The following ZBTB20 variants were observed in gnomAD, a reference collection of about 807,000 sequenced individuals.
ZBTB20 encodes zinc finger and BTB domain-containing protein 20.
ZBTB20 carries 9 observed loss-of-function variants against 56.9 expected under a neutral mutation model. The ratio of observed to expected loss-of-function variants is 0.16; its 90% CI spans 0.10 to 0.28. ZBTB20 has a LOEUF of 0.28. Among genes scored for constraint, ZBTB20 ranks in the 10% least tolerant of loss-of-function variants. ZBTB20 has a pLI of 1.00. For missense variants in ZBTB20, 655 were observed against 1,003.0 expected (o/e 0.65, Z 4.69); for synonymous variants, 417 against 420.7 (o/e 0.99, Z 0.11).
intron 3 of ZBTB20, among the ~76,000 whole-genome samples, chr3:114,962,935 C>A (rs927752805): frequency 2.6e-5 from 4 of 152,016 alleles, no homozygotes; most frequent in African/African-American, 9.7e-5. Context: ...GAAACAGGTT[C>A]TGTCAGTCAG....
intron 6 of ZBTB20, among the ~76,000 whole-genome samples, chr3:114,610,292 C>T (rs995816259): frequency 6.6e-6 from 1 of 152,220 alleles, no homozygotes; most frequent in Non-Finnish European, 1.5e-5. Flanking sequence ...ATAACAAATG[C>T]ACCCACTAAT....
At chr3:114,919,191 G>A (rs1279918465) in intron 3 of ZBTB20, among the ~76,000 whole-genome samples, 1 of 152,128 alleles carries the variant, frequency 6.6e-6, no homozygotes, top group Non-Finnish European at 1.5e-5. Context: ...TCAATAAAGT[G>A]GGGGCCTGGG....
At chr3:114,921,426 G>T (rs2075954748) in intron 3 of ZBTB20, among the ~76,000 whole-genome samples, 1 of 151,838 alleles carries the variant, frequency 6.6e-6, no homozygotes, top group Admixed American at 6.6e-5. Flanking sequence ...CCTGGCAAAA[G>T]AACTAGATGT....
At position 114,463,989 on chromosome 3, in the gene ZBTB20, C is replaced by T. The variant is rs890409195; in HGVS notation, c.-255+36363G>A. Among the ~76,000 whole-genome samples, 10 of 152,220 alleles carry T rather than the reference C, an allele frequency of 6.6e-5. No individual in the cohort carries two copies. The South Asian group carries it at 1.2e-3, about 19-fold the overall frequency. On this transcript the variant is annotated intron_variant, in intron 7 of 11. Transcript: ENST00000675478. Reference sequence around the variant, plus strand: ...GAATATCTCTGAATATATTGAACTGCTATTTGAATCTTTAATTGTGCATAC... The same window carrying T: ...GAATATCTCTGAATATATTGAACTGTTATTTGAATCTTTAATTGTGCATAC...
intron 4 of ZBTB20, among the ~76,000 whole-genome samples, chr3:114,859,300 TTTCC>T (rs1423791230): frequency 2.0e-5 from 3 of 146,528 alleles, no homozygotes; most frequent in South Asian, 2.2e-4. Flanking sequence ...TCCTTCCTTC[TTTCC>T]TTCCTTCCTT....
At chr3:114,532,462 C>A (rs1248771708) in intron 6 of ZBTB20, among the ~76,000 whole-genome samples, 1 of 152,224 alleles carries the variant, frequency 6.6e-6, no homozygotes, top group African/African-American at 2.4e-5. Context: ...AGCAGGGCAT[C>A]TCTGAAAGAA....
At chr3:114,857,455 T>C (rs1393594128) in intron 4 of ZBTB20, among the ~76,000 whole-genome samples, 1 of 152,214 alleles carries the variant, frequency 6.6e-6, no homozygotes, top group East Asian at 1.9e-4. Context: ...TCAGGTGAAC[T>C]GTAGGGAAGT....
Position 115,088,929 on chromosome 3 carries a change from G to A in ZBTB20, c.-702-17515C>T, listed in dbSNP as rs541293214. On this transcript the variant is annotated intron_variant, in intron 1 of 11. Transcript: ENST00000675478. ...TTCAAATAATCTGTCCCATCCAAGA[G>A]TTTTAACTCTCAAATATAAATATAA... Among the ~76,000 whole-genome samples, 39 of 151,562 alleles carry A rather than the reference G, an allele frequency of 2.6e-4. 1 individual carries two copies. Among genetic ancestry groups the A allele is most frequent in the Non-Finnish European group, 5.5e-4 (37 of 67,834 alleles).
chr3:114,331,203 T>C lies in ZBTB20; in HGVS notation c.*7802A>G, dbSNP rs188744983. 56 of 152,200 alleles carry C rather than the reference T, an allele frequency of 3.7e-4. No homozygotes were observed. The highest frequency in any genetic ancestry group is 1.2e-3 in the African/African-American group (49 of 41,422). 9.4% of individuals were successfully genotyped at this position (152,200 alleles called of 1,614,324 possible). ...GCTATGGGATGGCTCAGGCCAAAGT[T>C]TGTGTGGGCTTTGCCTGCCTGGCAT... On this transcript the variant is annotated 3_prime_UTR_variant, in exon 12 of 12. Transcript: ENST00000675478.
intron 3 of ZBTB20, among the ~76,000 whole-genome samples, chr3:114,949,789 A>G (rs2107901951): frequency 6.6e-6 from 1 of 152,184 alleles, no homozygotes; most frequent in South Asian, 2.1e-4. Context: ...AAAGACAATT[A>G]TAAGAGAGTA....
intron 4 of ZBTB20, among the ~76,000 whole-genome samples, chr3:114,853,886 T>A (rs956057368): frequency 1.3e-5 from 2 of 152,220 alleles, no homozygotes; most frequent in Non-Finnish European, 2.9e-5. Context: ...CTGCAATGCT[T>A]CATTGTTTTC....
intron 5 of ZBTB20, among the ~76,000 whole-genome samples, chr3:114,776,304 T>C (rs2069604613): frequency 6.6e-6 from 1 of 152,106 alleles, no homozygotes; most frequent in African/African-American, 2.4e-5. Flanking sequence ...ATTAAGAATT[T>C]TGACATATGG....
intron 5 of ZBTB20, among the ~76,000 whole-genome samples, chr3:114,788,625 G>A (rs1295852709): frequency 2.0e-5 from 3 of 152,046 alleles, no homozygotes; most frequent in African/African-American, 7.3e-5. Flanking sequence ...ATTATTGTCA[G>A]CCACCAGTTT....
chr3:115,145,118 C>T (rs1434705570), intron 1 of ZBTB20, among the ~76,000 whole-genome samples: 1 of 152,116 alleles, frequency 6.6e-6, no homozygotes, highest in Non-Finnish European at 1.5e-5. Context: ...AGCAATTCCT[C>T]AAGGGCAATT....
At chr3:114,655,407 C>T (rs1265957592) in intron 6 of ZBTB20, among the ~76,000 whole-genome samples, 2 of 150,944 alleles carry the variant, frequency 1.3e-5, no homozygotes, top group Admixed American at 6.6e-5. Flanking sequence ...CGCCCGCCAC[C>T]GCGCCCGGCT....
At chr3:115,036,335 C>T in intron 2 of ZBTB20, among the ~76,000 whole-genome samples, 1 of 151,482 alleles carries the variant, frequency 6.6e-6, no homozygotes, top group East Asian at 1.9e-4. Context: ...GAGTCTCGCT[C>T]TGTCGCCAGG....
intron 2 of ZBTB20, among the ~76,000 whole-genome samples, chr3:114,982,889 G>C: frequency 6.6e-6 from 1 of 151,862 alleles, no homozygotes; most frequent in East Asian, 1.9e-4. Context: ...AAGCTAGGCT[G>C]GGAATGAGAA....
chr3:114,749,065 T>C (rs1056437310), intron 5 of ZBTB20, among the ~76,000 whole-genome samples: 2 of 152,196 alleles, frequency 1.3e-5, no homozygotes, highest in African/African-American at 2.4e-5. Flanking sequence ...GAATGCCTAG[T>C]ACATAAGCCA....
chr3:114,816,066 G>A (rs1158663204), intron 4 of ZBTB20, among the ~76,000 whole-genome samples: 1 of 152,154 alleles, frequency 6.6e-6, no homozygotes, highest in Non-Finnish European at 1.5e-5. Context: ...TCCTCTTTCT[G>A]TGAACTCTGT....
Sources: gnomAD v4.1 joint callset for allele counts (sites outside exome capture counted in the v4.1 genomes callset) on GRCh38, gnomAD v4.1.1 for gene constraint, MANE v1.5 for transcripts, NCBI Gene and HGNC (gene_info 2026-07-23, HGNC 2026-07-21) for gene names.